Variants in USP30 observed in about 807,000 individuals in gnomAD.
The protein encoded by USP30 is ubiquitin carboxyl-terminal hydrolase 30.
Under a neutral mutation model 68.2 loss-of-function variants are expected in USP30, and 41 were observed. The observed-to-expected ratio is 0.60, with a 90% CI of 0.47 to 0.78. The LOEUF (loss-of-function observed/expected upper bound fraction) is 0.78, where lower values mean the gene tolerates loss of function less well. Among genes scored for constraint, USP30 ranks in the 30% least tolerant of loss-of-function variants. USP30 has a pLI of 0.00. For missense variants in USP30, 522 were observed against 649.4 expected (o/e 0.80, Z 2.13); for synonymous variants, 229 against 253.7 (o/e 0.90, Z 0.93).
intron 3 of USP30, 57 bp downstream of exon 3, chr12:109,058,165 C>A: frequency 6.6e-7 from 1 of 1,511,000 alleles, no homozygotes; most frequent in Non-Finnish European, 8.9e-7. Flanking sequence ...GTCCAGATGA[C>A]AGAGACTCTT....
At chr12:109,074,401 T>C (rs957372444) in intron 7 of USP30, among the ~76,000 whole-genome samples, 1 of 152,260 alleles carries the variant, frequency 6.6e-6, no homozygotes, top group African/African-American at 2.4e-5. Flanking sequence ...AGAGTAGAAT[T>C]GCTAGCTTAT....
chr12:109,037,747 C>A (rs1566076734), intron 3 of USP30, among the ~76,000 whole-genome samples: 1 of 152,174 alleles, frequency 6.6e-6, no homozygotes, highest in Non-Finnish European at 1.5e-5. Flanking sequence ...ACCAGTAAAT[C>A]TTCCAGTCTT....
chr12:109,083,389 T>C (rs1223503842), intron 11 of USP30, among the ~76,000 whole-genome samples: 2 of 152,204 alleles, frequency 1.3e-5, no homozygotes, highest in African/African-American at 4.8e-5. Flanking sequence ...AATTTCTTTT[T>C]TCGGTCATGT....
chr12:109,073,603 A>G, intron 7 of USP30, 71 bp downstream of exon 7: 1 of 1,364,442 alleles, frequency 7.3e-7, no homozygotes, highest in South Asian at 1.2e-5. Flanking sequence ...GAAAGGACCT[A>G]GAGAGTGGGC....
intron 3 of USP30, among the ~76,000 whole-genome samples, chr12:109,032,613 G>A (rs2040490472): frequency 6.6e-6 from 1 of 152,206 alleles, no homozygotes; most frequent in African/African-American, 2.4e-5. Context: ...AATCCATAGA[G>A]ACAGAGAGTA....
intron 7 of USP30, among the ~76,000 whole-genome samples, chr12:109,079,334 TTTTTC>T (rs2041712829): frequency 1.5e-5 from 2 of 129,828 alleles, no homozygotes; most frequent in Admixed American, 7.9e-5. Context: ...TTTTCTTTTC[TTTTTC>T]TTTTTTTTTT....
chr12:109,055,144 G>A (rs189440897), intron 1 of USP30, among the ~76,000 whole-genome samples: 201 of 151,660 alleles, frequency 1.3e-3, no homozygotes, highest in Admixed American at 4.0e-3. Flanking sequence ...TAAAAACAAT[G>A]TTTTAAATTG....
intron 7 of USP30, among the ~76,000 whole-genome samples, chr12:109,079,483 C>A (rs1156746833): frequency 6.7e-6 from 1 of 150,178 alleles, no homozygotes; most frequent in South Asian, 2.1e-4. Context: ...CCCACCTTAG[C>A]CCCCTGAGCA....
At chr12:109,073,571 T>G in intron 7 of USP30, 39 bp downstream of exon 7, 1 of 1,574,296 alleles carries the variant, frequency 6.4e-7, no homozygotes, top group Non-Finnish European at 8.7e-7. Flanking sequence ...CCGGGAGAGG[T>G]TTTCCAAAAG....
At chr12:109,049,976 G>A (rs1199683920), upstream of USP30, among the ~76,000 whole-genome samples, 3 of 151,970 alleles carry the variant, frequency 2.0e-5, no homozygotes, top group Non-Finnish European at 4.4e-5. Context: ...TATCTTCGAA[G>A]CACAATAAAG....
intron 1 of USP30, among the ~76,000 whole-genome samples, chr12:109,024,454 C>T (rs997119203): frequency 3.3e-5 from 5 of 151,808 alleles, no homozygotes; most frequent in African/African-American, 1.2e-4. Context: ...GAGGGGGTAT[C>T]ATCATGTTGC....
chr12:109,075,631 A>G (rs1164133528), intron 7 of USP30, among the ~76,000 whole-genome samples: 1 of 152,230 alleles, frequency 6.6e-6, no homozygotes, highest in Non-Finnish European at 1.5e-5. Context: ...GGATTAAGGC[A>G]TGAGCCACTG....
chr12:109,027,673 C>T (rs1160281200), intron 3 of USP30: 1 of 152,216 alleles, frequency 6.6e-6, no homozygotes, highest in Non-Finnish European at 1.5e-5. Context: ...GCTTATTTCA[C>T]TTAACATAAT....
intron 7 of USP30, 33 bp downstream of exon 7, chr12:109,073,565 G>A (rs755810229): frequency 1.9e-6 from 3 of 1,584,476 alleles, no homozygotes; most frequent in Non-Finnish European, 2.6e-6. Context: ...ATATTTCCGG[G>A]AGAGGTTTTC....
At chr12:109,083,855 T>C (rs2135832789) in intron 11 of USP30, among the ~76,000 whole-genome samples, 1 of 152,274 alleles carries the variant, frequency 6.6e-6, no homozygotes, top group East Asian at 1.9e-4. Context: ...CACAGTTGCA[T>C]GGCCCGACAC....
At chr12:109,047,899 C>T (rs2040620049), upstream of USP30, among the ~76,000 whole-genome samples, 1 of 152,070 alleles carries the variant, frequency 6.6e-6, no homozygotes. Context: ...TCTCAAAGTG[C>T]AGTCTGCAGG....
intron 3 of USP30, among the ~76,000 whole-genome samples, chr12:109,044,514 G>A (rs543867141): frequency 1.3e-5 from 2 of 152,048 alleles, no homozygotes; most frequent in African/African-American, 4.8e-5. Flanking sequence ...GCTCGTGTCT[G>A]TAGTCCTAGC....
rs371122307 is a variant in USP30, at chr12:109,082,898, C to T, written c.1004C>T (p.Thr335Met). Reference sequence around the variant, plus strand: ...CGGCTGAGCTGGTCCAGCCACGGCACGCCTCTGAAGCGGCATGAGCACGTG... The same window carrying T: ...CGGCTGAGCTGGTCCAGCCACGGCATGCCTCTGAAGCGGCATGAGCACGTG... ...LQRLSWSSHG[T>M]PLKRHEHVQF... The change falls in exon 11 of 13, where the codon ACG (threonine) becomes ATG (methionine). Residue 335 changes from threonine to methionine, a missense_variant. Coordinates refer to ENST00000257548, the MANE Select transcript of USP30 (RefSeq NM_032663.5). 216 of 1,614,112 alleles carry T rather than the reference C, an allele frequency of 1.3e-4. No individual in the cohort carries two copies. Among genetic ancestry groups the T allele is most frequent in the Middle Eastern group, 1.6e-4 (1 of 6,084 alleles).
intron 7 of USP30, among the ~76,000 whole-genome samples, chr12:109,077,630 A>G (rs755092887): frequency 5.3e-5 from 8 of 152,142 alleles, no homozygotes; most frequent in Non-Finnish European, 8.8e-5. Flanking sequence ...TGCTTAGTCC[A>G]TTTACATTTA....
Sources: allele counts gnomAD v4.1 joint callset (sites outside exome capture counted in the v4.1 genomes callset), GRCh38; gene constraint gnomAD v4.1.1; transcripts MANE v1.5; gene names NCBI Gene and HGNC (gene_info 2026-07-23, HGNC 2026-07-21).